Variants in USP8 observed in about 807,000 individuals in gnomAD.
The protein encoded by USP8 is ubiquitin carboxyl-terminal hydrolase 8.
In USP8, 27 loss-of-function variants were observed where a neutral mutation model predicts 130.0. The observed-to-expected ratio is 0.21, with a 90% CI of 0.15 to 0.29. USP8 has a LOEUF of 0.29. USP8 is among the 10% of genes least tolerant of loss of function. The pLI is 1.00. For missense variants in USP8, 1,029 were observed against 1,312.2 expected (o/e 0.78, Z 3.33); for synonymous variants, 392 against 444.1 (o/e 0.88, Z 1.48).
At chr15:50,428,688 C>T (rs995246689) in intron 1 of USP8, among the ~76,000 whole-genome samples, 8 of 152,190 alleles carry the variant, frequency 5.3e-5, no homozygotes, top group Admixed American at 3.3e-4. Context: ...TGAGGTGTGA[C>T]AGCAAAACTA....
intron 8 of USP8, among the ~76,000 whole-genome samples, chr15:50,473,778 C>T (rs148120689): frequency 1.9e-4 from 29 of 151,468 alleles, no homozygotes; most frequent in African/African-American, 6.1e-4. Flanking sequence ...GGATTACAGG[C>T]GTGCACCACT....
chr15:50,482,195 A>T, intron 11 of USP8, 130 bp downstream of exon 11: 1 of 760,112 alleles, frequency 1.3e-6, no homozygotes, highest in Non-Finnish European at 1.9e-6. Context: ...GAATGTACTG[A>T]TCTATCCACA....
At position 50,511,306 on chromosome 15, in the gene USP8, C is replaced by T. The variant is rs2052736900; in HGVS notation, c.*12218C>T. ...GTTGAGGATGTGGGGAAACTGGAAC[C>T]TTAGTTCCAGTTGCTGGTGGGAACG... On this transcript the variant is annotated 3_prime_UTR_variant, in exon 20 of 20. Coordinates refer to ENST00000307179, the MANE Select transcript of USP8 (RefSeq NM_005154.5). 1 of 152,090 alleles carries T rather than the reference C, an allele frequency of 6.6e-6. No homozygotes were observed. The highest frequency in any genetic ancestry group is 2.4e-5 in the African/African-American group (1 of 41,416). The allele number at this position is 152,090 out of a possible 1,614,324, so 9.4% of individuals were successfully genotyped here.
At position 50,511,008 on chromosome 15, in the gene USP8, G is replaced by A. The variant is rs977929875; in HGVS notation, c.*11920G>A. The stretch of plus-strand genomic sequence containing the variant: ...TTAGCCAGGATGGTCTCGATCTCCT[G>A]ACCTCGTGATCCGCCTGCCTTGGCC... On this transcript the variant is annotated 3_prime_UTR_variant, in exon 20 of 20. Transcript: ENST00000307179. 6.6e-6 allele frequency: 1 copy of A among 152,156 alleles called. No individual in the cohort carries two copies. The highest frequency in any genetic ancestry group is 6.6e-5 in the Admixed American group (1 of 15,264). The allele number at this position is 152,156 out of a possible 1,614,324, so 9.4% of individuals were successfully genotyped here.
rs1326963097 is a variant in USP8, at chr15:50,511,271, A to T, written c.*12183A>T. 2 of 152,220 alleles carry T rather than the reference A, an allele frequency of 1.3e-5. No individual in the cohort carries two copies. Among genetic ancestry groups the T allele is most frequent in the Admixed American group, 6.5e-5 (1 of 15,282 alleles). The allele number at this position is 152,220 out of a possible 1,614,324, so 9.4% of individuals were successfully genotyped here. On this transcript the variant is annotated 3_prime_UTR_variant, in exon 20 of 20. Transcript: ENST00000307179. The stretch of plus-strand genomic sequence containing the variant: ...GATAGAATAAAAAATGAGAGGCAGT[A>T]ACAAGTTCGGTTGAGGATGTGGGGA...
chr15:50,478,130 C>T (rs2051635328), intron 10 of USP8, among the ~76,000 whole-genome samples: 1 of 151,934 alleles, frequency 6.6e-6, no homozygotes, highest in African/African-American at 2.4e-5. Flanking sequence ...ATAATTTGAC[C>T]CATATTATTT....
chr15:50,501,916 A>G lies in USP8; in HGVS notation c.*2828A>G, dbSNP rs1038776227. On this transcript the variant is annotated 3_prime_UTR_variant, in exon 20 of 20. Transcript: ENST00000307179. ...TGAAATTCAAATGTCAATGTCCTTA[A>G]AGTTTTATGGGAACACAGTCATGCT... 6.6e-6 allele frequency: 1 copy of G among 152,142 alleles called. No homozygotes were observed. The allele number at this position is 152,142 out of a possible 1,614,324, so 9.4% of individuals were successfully genotyped here.
chr15:50,489,757 T>TA (rs201967385), intron 12 of USP8, 44 bp from the exon 13 acceptor site: 40 of 1,299,604 alleles, frequency 3.1e-5, no homozygotes, highest in East Asian at 5.9e-5. Context: ...AAATCAGATT[T>TA]AAAAAAAATT....
In USP8 at chr15:50,510,914, C is replaced by CT. The variant is rs948452805; in HGVS notation, c.*11827dup. The CT allele has an allele frequency of 7.2e-5, 11 of 152,126 alleles. No individual in the cohort carries two copies. Among genetic ancestry groups the CT allele is most frequent in the African/African-American group, 2.4e-4 (10 of 41,432 alleles). 9.4% of individuals were successfully genotyped at this position (152,126 alleles called of 1,614,324 possible). On this transcript the variant is annotated 3_prime_UTR_variant, in exon 20 of 20. Transcript: ENST00000307179. ...GCCTCAGCCTCCTGAGTAGCTGGGA[C>CT]TACAGGCGCCCGCCACCATGCCCGG...
At position 50,497,245 on chromosome 15, in the gene USP8, T is replaced by G. The variant is rs369853605; in HGVS notation, c.3038+14T>G. 1.1e-5 allele frequency: 18 copies of G among 1,593,302 alleles called. No individual in the cohort carries two copies. Among genetic ancestry groups the G allele is most frequent in the Non-Finnish European group, 1.4e-5 (16 of 1,173,638 alleles). The stretch of plus-strand genomic sequence containing the variant: ...GCATCTGAAACGGTAAAGGGGAAAG[T>G]TTGTCCTCCTGTTCAGTGAAATTAA... On this transcript the variant is annotated intron_variant, in intron 18 of 19. Coordinates refer to ENST00000307179, the MANE Select transcript of USP8 (RefSeq NM_005154.5).
In USP8 at chr15:50,476,992, A is replaced by ATG; in HGVS notation, c.994+1_994+2dup. On this transcript the variant is annotated frameshift_variant and splice_region_variant, in exon 9 of 20. Coordinates refer to ENST00000307179, the MANE Select transcript of USP8 (RefSeq NM_005154.5). LOFTEE classifies it high-confidence loss of function. ...GCCAGAATGAAGAGGTGTCTATCTC[A>ATG]TGTATGTATGTGAAAATTTTTGTTT... 1 of 1,591,624 alleles carries ATG rather than the reference A, an allele frequency of 6.3e-7. No homozygotes were observed. Among genetic ancestry groups the ATG allele is most frequent in the Non-Finnish European group, 8.5e-7 (1 of 1,171,538 alleles).
At chr15:50,437,376 CT>C (rs750145325) in intron 1 of USP8, among the ~76,000 whole-genome samples, 1 of 152,090 alleles carries the variant, frequency 6.6e-6, no homozygotes, top group Non-Finnish European at 1.5e-5. Flanking sequence ...TCATTTATAT[CT>C]TTAAGCAATA....
intron 12 of USP8, among the ~76,000 whole-genome samples, chr15:50,489,123 T>C (rs2052068690): frequency 6.6e-6 from 1 of 152,216 alleles, no homozygotes; most frequent in Non-Finnish European, 1.5e-5. Context: ...AGTATCACAT[T>C]CAATTATATT....
At chr15:50,496,342 G>A (rs955564970) in intron 17 of USP8, among the ~76,000 whole-genome samples, 2 of 151,942 alleles carry the variant, frequency 1.3e-5, no homozygotes, top group Admixed American at 6.6e-5. Flanking sequence ...TTAGCCGGGC[G>A]TGGTGGTGGG....
intron 1 of USP8, among the ~76,000 whole-genome samples, chr15:50,431,658 T>G (rs2049935209): frequency 6.6e-6 from 1 of 152,106 alleles, no homozygotes; most frequent in African/African-American, 2.4e-5. Context: ...TATTCCTTAT[T>G]ATTACTATTT....
At chr15:50,448,037 ATGGCC>A (rs1318254679) in intron 3 of USP8, among the ~76,000 whole-genome samples, 10 of 151,992 alleles carry the variant, frequency 6.6e-5, no homozygotes, top group Non-Finnish European at 1.0e-4. Flanking sequence ...GCCACCGCAC[ATGGCC>A]TACTGTTAGT....
chr15:50,469,551 G>A (rs2051305985), intron 7 of USP8, among the ~76,000 whole-genome samples: 1 of 152,042 alleles, frequency 6.6e-6, no homozygotes, highest in Non-Finnish European at 1.5e-5. Flanking sequence ...TACATCAGGA[G>A]AGGATATTAG....
rs2051789744 is a variant in USP8, at chr15:50,481,964, G to A, written c.1702G>A (p.Val568Ile). Residue 568 changes from valine to isoleucine, a missense_variant, in exon 11 of 20, where the codon GTA becomes ATA. Physicochemically the swap from Val to Ile is conservative, Grantham distance 29. Coordinates refer to ENST00000307179, the MANE Select transcript of USP8 (RefSeq NM_005154.5). ...TGAAACTTCTGATGCCAAGAAATCT[G>A]TAGAAGATAGGGGGAAAAGGTGTCC... ...EHETSDAKKS[V>I]EDRGKRCPTP... 1 of 1,605,690 alleles carries A rather than the reference G, an allele frequency of 6.2e-7. No homozygotes were observed. The highest frequency in any genetic ancestry group is 8.5e-7 in the Non-Finnish European group (1 of 1,177,942).
In USP8 at chr15:50,504,142, A is replaced by G. The variant is rs2052626787; in HGVS notation, c.*5054A>G. 1 of 152,218 alleles carries G rather than the reference A, an allele frequency of 6.6e-6. No individual in the cohort carries two copies. Among genetic ancestry groups the G allele is most frequent in the Admixed American group, 6.5e-5 (1 of 15,282 alleles). The allele number at this position is 152,218 out of a possible 1,614,324, so 9.4% of individuals were successfully genotyped here. A position where few individuals can be genotyped will look rare whatever the true frequency, so the allele number is the denominator to read the frequency against. On this transcript the variant is annotated 3_prime_UTR_variant, in exon 20 of 20. Coordinates refer to ENST00000307179, the MANE Select transcript of USP8 (RefSeq NM_005154.5). Reference sequence around the variant, plus strand: ...TATTTTAAAATACAGTGTAACAACTATTTACATAGTATTTATATTGTATTA... The same window carrying G: ...TATTTTAAAATACAGTGTAACAACTGTTTACATAGTATTTATATTGTATTA...
Sources: gnomAD v4.1 joint callset for allele counts (sites outside exome capture counted in the v4.1 genomes callset) on GRCh38, gnomAD v4.1.1 for gene constraint, MANE v1.5 for transcripts, NCBI Gene and HGNC (gene_info 2026-07-23, HGNC 2026-07-21) for gene names.